The following FAM13A variants were observed in gnomAD, a reference collection of about 807,000 sequenced individuals.
FAM13A encodes protein FAM13A.
In FAM13A, 76 loss-of-function variants were observed where a neutral mutation model predicts 129.6. The observed-to-expected ratio is 0.59, with a 90% CI of 0.49 to 0.71. The LOEUF (loss-of-function observed/expected upper bound fraction) is 0.71. Among genes scored for constraint, FAM13A ranks in the 30% least tolerant of loss-of-function variants. FAM13A has a pLI of 0.00. For missense variants in FAM13A, 1,108 were observed against 1,249.3 expected (o/e 0.89, Z 1.70); for synonymous variants, 443 against 449.9 (o/e 0.98, Z 0.20).
chr4:88,852,190 G>A (rs970839135), intron 6 of FAM13A, among the ~76,000 whole-genome samples: 187 of 145,282 alleles, frequency 1.3e-3, no homozygotes, highest in African/African-American at 4.1e-3. Flanking sequence ...ACAGAGTCTC[G>A]CTCTGTCACC....
chr4:88,803,299 T>G (rs927295842), intron 8 of FAM13A, among the ~76,000 whole-genome samples: 1 of 152,318 alleles, frequency 6.6e-6, no homozygotes, highest in Non-Finnish European at 1.5e-5. Context: ...TGGGCCAGTA[T>G]GCATATTCAT....
intron 11 of FAM13A, among the ~76,000 whole-genome samples, chr4:88,775,718 T>C (rs574961322): frequency 2.0e-5 from 3 of 152,022 alleles, no homozygotes; most frequent in South Asian, 2.1e-4. Flanking sequence ...TAAAAAAAAA[T>C]AGAACTGAAA....
At chr4:88,778,753 G>A (rs985548556) in intron 11 of FAM13A, among the ~76,000 whole-genome samples, 2 of 152,112 alleles carry the variant, frequency 1.3e-5, no homozygotes, top group African/African-American at 2.4e-5. Flanking sequence ...AATAAAGGAG[G>A]GGTCCTTACA....
chr4:88,930,803 T>A (rs777653695), intron 5 of FAM13A, among the ~76,000 whole-genome samples: 1 of 152,026 alleles, frequency 6.6e-6, no homozygotes, highest in Non-Finnish European at 1.5e-5. Context: ...GGCCCCCAAG[T>A]GGTCTGTGTT....
intron 1 of FAM13A, among the ~76,000 whole-genome samples, chr4:89,032,778 T>C (rs1412455229): frequency 6.6e-6 from 1 of 152,242 alleles, no homozygotes; most frequent in Non-Finnish European, 1.5e-5. Context: ...GCATGTTCAC[T>C]GTGAACAGCT....
chr4:88,999,619 T>C (rs1250806038), intron 3 of FAM13A, among the ~76,000 whole-genome samples: 1 of 152,184 alleles, frequency 6.6e-6, no homozygotes, highest in African/African-American at 2.4e-5. Context: ...ACTGGTTAAA[T>C]GCTCAGCTAT....
chr4:88,747,976 G>T (rs775787298), intron 17 of FAM13A, 125 bp from the exon 18 acceptor site: 8 of 645,412 alleles, frequency 1.2e-5, no homozygotes, highest in Admixed American at 2.9e-5. Flanking sequence ...TGCAAGCTCC[G>T]CCTCCTGGGT....
chr4:88,860,788 A>G (rs1481829942), intron 6 of FAM13A, among the ~76,000 whole-genome samples: 1 of 152,204 alleles, frequency 6.6e-6, no homozygotes, highest in East Asian at 1.9e-4. Context: ...CTCTGAGACT[A>G]ATGAACCCTG....
chr4:88,765,503 GT>G (rs1296289161), intron 13 of FAM13A, among the ~76,000 whole-genome samples: 1 of 152,134 alleles, frequency 6.6e-6, no homozygotes, highest in East Asian at 1.9e-4. Flanking sequence ...GATTATTGAT[GT>G]TTTTACTAGA....
chr4:89,024,485 A>G (rs906649820), intron 2 of FAM13A, among the ~76,000 whole-genome samples: 1 of 152,240 alleles, frequency 6.6e-6, no homozygotes, highest in African/African-American at 2.4e-5. Context: ...TTACAATAAT[A>G]GTTTACCTTC....
intron 6 of FAM13A, among the ~76,000 whole-genome samples, chr4:88,864,661 C>T (rs1475523856): frequency 2.0e-5 from 3 of 152,194 alleles, no homozygotes; most frequent in Non-Finnish European, 2.9e-5. Context: ...CCTGCCTCAG[C>T]CTCCCAAAGT....
At chr4:88,897,028 T>C (rs889470130) in intron 6 of FAM13A, among the ~76,000 whole-genome samples, 2 of 152,168 alleles carry the variant, frequency 1.3e-5, no homozygotes, top group African/African-American at 4.8e-5. Context: ...GGAAGATCGT[T>C]TTCTTCCCTC....
chr4:88,950,577 T>G (rs940277399), intron 4 of FAM13A, among the ~76,000 whole-genome samples: 2 of 152,184 alleles, frequency 1.3e-5, no homozygotes, highest in African/African-American at 4.8e-5. Context: ...AGTATAGAAG[T>G]AAGAAGAATA....
At position 88,775,139 on chromosome 4, in the gene FAM13A, A is replaced by G. The variant is rs115439644; in HGVS notation, c.1458+6026T>C. ...GAGCTTAGCCAGGGAAGGATACAAC[A>G]AAGAAGAAAACAGTCATTGTGGTAT... On this transcript the variant is annotated intron_variant, in intron 11 of 23. Coordinates refer to ENST00000264344, the MANE Select transcript of FAM13A (RefSeq NM_014883.4). Among the ~76,000 whole-genome samples, 513 of 152,312 alleles carry G rather than the reference A, an allele frequency of 3.4e-3. 4 individuals are homozygous for G. Among genetic ancestry groups the G allele is most frequent in the African/African-American group, 0.012 (489 of 41,564 alleles).
chr4:88,995,343 A>G (rs1763419317), intron 3 of FAM13A, among the ~76,000 whole-genome samples: 2 of 152,096 alleles, frequency 1.3e-5, no homozygotes, highest in Admixed American at 1.3e-4. Flanking sequence ...TGTGTCTGTG[A>G]GGGTGTTGCC....
At chr4:88,797,374 G>T (rs1484447468) in intron 8 of FAM13A, among the ~76,000 whole-genome samples, 4 of 151,482 alleles carry the variant, frequency 2.6e-5, no homozygotes, top group Admixed American at 2.6e-4. Context: ...CTGGGCTCAA[G>T]CAATCCTCTT....
At chr4:89,006,346 C>A (rs1579734926) in intron 3 of FAM13A, among the ~76,000 whole-genome samples, 1 of 152,208 alleles carries the variant, frequency 6.6e-6, no homozygotes, top group East Asian at 1.9e-4. Flanking sequence ...TAGTATGTGA[C>A]TGGCATTATT....
chr4:88,977,081 C>T (rs777632458), intron 4 of FAM13A, among the ~76,000 whole-genome samples: 12 of 151,950 alleles, frequency 7.9e-5, no homozygotes, highest in African/African-American at 1.9e-4. Context: ...AGATATGTCA[C>T]GTAAATATGT....
At chr4:88,927,485 G>GT (rs1349292633) in intron 5 of FAM13A, among the ~76,000 whole-genome samples, 10 of 65,800 alleles carry the variant, frequency 1.5e-4, no homozygotes, top group African/African-American at 5.3e-4. Context: ...TCTGGTTCTA[G>GT]GTTTTTTTTT....
Sources: gnomAD v4.1 joint callset for allele counts (sites outside exome capture counted in the v4.1 genomes callset) on GRCh38, gnomAD v4.1.1 for gene constraint, MANE v1.5 for transcripts, NCBI Gene and HGNC (gene_info 2026-07-23, HGNC 2026-07-21) for gene names.